PPARGC1A: variants seen among roughly 807,000 people sequenced by gnomAD.
PPARGC1A encodes the protein PPARG coactivator 1 alpha.
PPARGC1A carries 25 observed loss-of-function variants against 88.7 expected under a neutral mutation model. That is an observed-to-expected ratio of 0.28 (90% CI 0.21 to 0.39). PPARGC1A has a LOEUF of 0.39. Among genes scored for constraint, PPARGC1A ranks in the 10% least tolerant of loss-of-function variants. The pLI is 1.00. For missense variants in PPARGC1A, 880 were observed against 968.7 expected (o/e 0.91, Z 1.22); for synonymous variants, 363 against 355.6 (o/e 1.02, Z -0.24).
At chr4:24,238,552 A>G in the PPARGC1A span, among the ~76,000 whole-genome samples, 1 of 152,156 alleles carries the variant, frequency 6.6e-6, no homozygotes, top group East Asian at 1.9e-4. Flanking sequence ...TAAGCCACTG[A>G]TCTCAACAGC....
chr4:23,795,965 T>G, intron 12 of PPARGC1A, 40 bp from the exon 13 acceptor site: 1 of 1,376,854 alleles, frequency 7.3e-7, no homozygotes, highest in Non-Finnish European at 1.0e-6. Flanking sequence ...CACACTTTGC[T>G]GATGGCCATT....
chr4:23,957,004 A>G, the PPARGC1A span, among the ~76,000 whole-genome samples: 1 of 152,108 alleles, frequency 6.6e-6, no homozygotes, highest in Non-Finnish European at 1.5e-5. Flanking sequence ...CAGTGCTCGT[A>G]ACTGGTGGGA....
the PPARGC1A span, among the ~76,000 whole-genome samples, chr4:24,145,655 G>T: frequency 6.6e-6 from 1 of 152,118 alleles, no homozygotes. Context: ...CATTCTTCTA[G>T]GTTGGACAGA....
the PPARGC1A span, among the ~76,000 whole-genome samples, chr4:24,468,550 T>C: frequency 2.6e-5 from 4 of 152,296 alleles, no homozygotes; most frequent in Middle Eastern, 6.8e-3. Context: ...TGGTAACAGA[T>C]GTAGTTTCGG....
At chr4:24,291,915 T>C in the PPARGC1A span, among the ~76,000 whole-genome samples, 2 of 152,128 alleles carry the variant, frequency 1.3e-5, no homozygotes, top group African/African-American at 4.8e-5. Flanking sequence ...AAAAAAGCTA[T>C]AGTAGCTGGG....
chr4:24,252,687 C>T, the PPARGC1A span, among the ~76,000 whole-genome samples: 3 of 152,192 alleles, frequency 2.0e-5, no homozygotes, highest in Admixed American at 2.0e-4. Context: ...CTCCCATCTC[C>T]ACCCCCTGTG....
the PPARGC1A span, among the ~76,000 whole-genome samples, chr4:23,995,855 T>G: frequency 1.3e-5 from 2 of 152,146 alleles, no homozygotes; most frequent in African/African-American, 4.8e-5. Flanking sequence ...ATATTTAGTT[T>G]TATATGTTCA....
the PPARGC1A span, among the ~76,000 whole-genome samples, chr4:23,951,964 A>T: frequency 6.6e-6 from 1 of 152,124 alleles, no homozygotes; most frequent in Non-Finnish European, 1.5e-5. Flanking sequence ...GATTCTGTTT[A>T]TAACTTGCGT....
the PPARGC1A span, among the ~76,000 whole-genome samples, chr4:24,289,162 G>A: frequency 6.8e-6 from 1 of 147,572 alleles, no homozygotes. Flanking sequence ...GGAGGTTGCG[G>A]TGAGCCAAGA....
chr4:24,070,007 T>C, the PPARGC1A span, among the ~76,000 whole-genome samples: 11 of 152,170 alleles, frequency 7.2e-5, no homozygotes, highest in Admixed American at 7.2e-4. Context: ...CCATAGTGAC[T>C]TCCCTGAGTG....
chr4:23,907,135 G>C (rs748113807), upstream of PPARGC1A, among the ~76,000 whole-genome samples: 2 of 152,006 alleles, frequency 1.3e-5, no homozygotes, highest in South Asian at 4.2e-4. Flanking sequence ...AAGAACAAAG[G>C]CCATTAGGGA....
the PPARGC1A span, among the ~76,000 whole-genome samples, chr4:24,161,302 G>A: frequency 6.6e-6 from 1 of 152,238 alleles, no homozygotes; most frequent in Middle Eastern, 3.4e-3. Flanking sequence ...TCATAATTAG[G>A]AATTCTAGTC....
the PPARGC1A span, among the ~76,000 whole-genome samples, chr4:24,244,157 C>T: frequency 6.6e-6 from 1 of 152,156 alleles, no homozygotes; most frequent in Middle Eastern, 3.2e-3. Flanking sequence ...AGTCTCATGT[C>T]CTTGGCCATA....
the PPARGC1A span, among the ~76,000 whole-genome samples, chr4:24,462,388 C>T: frequency 4.6e-5 from 7 of 151,948 alleles, no homozygotes; most frequent in African/African-American, 9.7e-5. Context: ...TGAGCCACCG[C>T]GCCTGGCCAG....
At chr4:24,272,618 C>T in the PPARGC1A span, among the ~76,000 whole-genome samples, 1 of 152,314 alleles carries the variant, frequency 6.6e-6, no homozygotes, top group African/African-American at 2.4e-5. Context: ...CTGGGCCTTA[C>T]TACATATTTG....
At chr4:24,113,547 T>C in the PPARGC1A span, among the ~76,000 whole-genome samples, 1 of 152,194 alleles carries the variant, frequency 6.6e-6, no homozygotes, top group Non-Finnish European at 1.5e-5. Flanking sequence ...CTTCATGCCC[T>C]AGTCCAATCC....
chr4:24,118,516 C>T, the PPARGC1A span, among the ~76,000 whole-genome samples: 6 of 152,094 alleles, frequency 3.9e-5, no homozygotes, highest in Non-Finnish European at 5.9e-5. Flanking sequence ...CTACACAGAG[C>T]GCTCACCAAA....
At chr4:23,887,446 C>T (rs1000808675) in intron 1 of PPARGC1A, among the ~76,000 whole-genome samples, 3 of 152,214 alleles carry the variant, frequency 2.0e-5, no homozygotes, top group African/African-American at 4.8e-5. Flanking sequence ...TTTACTGTTT[C>T]CCTATACCTC....
chr4:24,307,103 A>G, the PPARGC1A span, among the ~76,000 whole-genome samples: 1 of 152,208 alleles, frequency 6.6e-6, no homozygotes, highest in African/African-American at 2.4e-5. Flanking sequence ...AATTCAAGTC[A>G]TCTATAAATT....
Sources: allele counts gnomAD v4.1 joint callset (sites outside exome capture counted in the v4.1 genomes callset), GRCh38; gene constraint gnomAD v4.1.1; transcripts MANE v1.5; gene names NCBI Gene and HGNC (gene_info 2026-07-23, HGNC 2026-07-21).